Variants in COL21A1 observed in about 807,000 individuals in gnomAD.
COL21A1 encodes collagen alpha-1(XXI) chain.
In COL21A1, 149 loss-of-function variants were observed where a neutral mutation model predicts 137.9. The observed-to-expected ratio is 1.08, with a 90% CI of 0.95 to 1.24. COL21A1 has a LOEUF of 1.24. Ranked by LOEUF, COL21A1 falls within the 50% of genes most tolerant of loss-of-function variation. The probability of loss-of-function intolerance (pLI) is 0.00; values close to 1 mark genes in which losing one functional copy is unlikely to be tolerated. For missense variants in COL21A1, 1,167 were observed against 1,158.4 expected (o/e 1.01, Z -0.11); for synonymous variants, 456 against 391.5 (o/e 1.16, Z -1.95).
chr6:56,057,247 T>C lies in COL21A1; in HGVS notation c.*410A>G. ...CAATGATGAGATACATGTTTTGGCT[T>C]ATGTAGTAGCATGAGCTATGAGATA... On this transcript the variant is annotated 3_prime_UTR_variant, in exon 30 of 30. Transcript: ENST00000244728. 3.9e-6 allele frequency: 1 copy of C among 256,056 alleles called. No homozygotes were observed. The highest frequency in any genetic ancestry group is 7.4e-6 in the Non-Finnish European group (1 of 134,440). 15.9% of individuals were successfully genotyped at this position (256,056 alleles called of 1,614,324 possible). A position where few individuals can be genotyped will look rare whatever the true frequency, so the allele number is the denominator to read the frequency against.
At chr6:56,074,164 C>T in intron 20 of COL21A1, 68 bp downstream of exon 20, 1 of 1,138,424 alleles carries the variant, frequency 8.8e-7, no homozygotes, top group Non-Finnish European at 1.3e-6. Context: ...GTAAAATTTT[C>T]ATCAAAGTTA....
In COL21A1 at chr6:56,059,184, T is replaced by C. The variant is rs1439351937; in HGVS notation, c.2667A>G (p.Gln889=). The change falls in exon 29 of 30, where the codon CAA becomes CAG. Residue 889 remains glutamine (Q), a synonymous_variant. Transcript: ENST00000244728. ...TCTCACCTGGGGGACCAGGAGGACC[T>C]TGTTCTCCAGGATACCCAAACCCTT... ...GSQGFGYPGE[Q]GPPGPPGPEG... The C allele has an allele frequency of 6.2e-7, 1 of 1,612,150 alleles. No individual in the cohort carries two copies. Among genetic ancestry groups the C allele is most frequent in the South Asian group, 1.1e-5 (1 of 90,788 alleles).
At chr6:56,172,316 A>G (rs1489225280) in intron 3 of COL21A1, among the ~76,000 whole-genome samples, 2 of 152,196 alleles carry the variant, frequency 1.3e-5, no homozygotes, top group Non-Finnish European at 2.9e-5. Context: ...GAACCTTGAT[A>G]AGACTATCAG....
At chr6:56,266,753 G>A (rs7748654) in intron 1 of COL21A1, among the ~76,000 whole-genome samples, 3,757 of 97,588 alleles carry the variant, frequency 0.038, 172 homozygotes, top group African/African-American at 0.097. Context: ...GATGAATAAA[G>A]GATATTAAAG....
intron 9 of COL21A1, among the ~76,000 whole-genome samples, chr6:56,162,403 T>C (rs1397523198): frequency 1.3e-5 from 2 of 152,012 alleles, no homozygotes; most frequent in Non-Finnish European, 2.9e-5. Context: ...AAAATGAAAA[T>C]GAGAAACACA....
At chr6:56,158,517 C>T (rs1775960021) in intron 9 of COL21A1, among the ~76,000 whole-genome samples, 1 of 151,786 alleles carries the variant, frequency 6.6e-6, no homozygotes, top group Non-Finnish European at 1.5e-5. Flanking sequence ...AGTGATCCTC[C>T]CTCCTCAACC....
intron 1 of COL21A1, among the ~76,000 whole-genome samples, chr6:56,392,816 C>T (rs1358378300): frequency 6.6e-6 from 1 of 151,934 alleles, no homozygotes; most frequent in African/African-American, 2.4e-5. Context: ...ACAATGAAAA[C>T]TATAAAACAT....
chr6:56,060,809 T>G lies in COL21A1; in HGVS notation c.2353-14A>C, dbSNP rs756850663. ...AAACTCTCTTCCCTGCATCAAAGTG[T>G]TAGGGGTTATAACATGCACATAAAG... On this transcript the variant is annotated splice_polypyrimidine_tract_variant and intron_variant, in intron 26 of 29. Transcript: ENST00000244728. 2 of 1,603,232 alleles carry G rather than the reference T, an allele frequency of 1.2e-6. No individual in the cohort carries two copies. Among genetic ancestry groups the G allele is most frequent in the Non-Finnish European group, 1.7e-6 (2 of 1,177,006 alleles).
intron 16 of COL21A1, among the ~76,000 whole-genome samples, chr6:56,115,260 A>G (rs1187360117): frequency 1.3e-5 from 2 of 151,638 alleles, no homozygotes; most frequent in African/African-American, 4.8e-5. Flanking sequence ...TAACCTGCAC[A>G]ATGTGCACAT....
At chr6:56,226,933 G>A (rs1781239572) in intron 1 of COL21A1, among the ~76,000 whole-genome samples, 1 of 151,904 alleles carries the variant, frequency 6.6e-6, no homozygotes, top group Non-Finnish European at 1.5e-5. Context: ...TCTGTGGGAT[G>A]GCTCGTATAG....
intron 1 of COL21A1, among the ~76,000 whole-genome samples, chr6:56,372,416 T>C (rs1284808620): frequency 1.3e-5 from 2 of 152,170 alleles, no homozygotes; most frequent in Non-Finnish European, 2.9e-5. Flanking sequence ...GTTCTCTTCC[T>C]CCTCACTCAG....
chr6:56,359,217 C>T (rs1479902794), intron 1 of COL21A1, among the ~76,000 whole-genome samples: 2 of 152,136 alleles, frequency 1.3e-5, no homozygotes, highest in African/African-American at 4.8e-5. Flanking sequence ...TAATTATATA[C>T]TTATCCAGTA....
intron 1 of COL21A1, among the ~76,000 whole-genome samples, chr6:56,290,489 C>T (rs1029125017): frequency 1.9e-4 from 25 of 129,722 alleles, no homozygotes; most frequent in African/African-American, 7.4e-4. Flanking sequence ...ATATTAGAAT[C>T]ACTTAGGAGA....
intron 1 of COL21A1, among the ~76,000 whole-genome samples, chr6:56,364,705 C>A (rs1766057037): frequency 6.6e-6 from 1 of 150,966 alleles, no homozygotes; most frequent in East Asian, 1.9e-4. Flanking sequence ...CTACAAAGAG[C>A]AGCTATGATT....
chr6:56,327,240 A>G (rs1309202307), intron 1 of COL21A1, among the ~76,000 whole-genome samples: 1 of 151,954 alleles, frequency 6.6e-6, no homozygotes, highest in Non-Finnish European at 1.5e-5. Flanking sequence ...GTGAGTAGAA[A>G]TAAATAATTA....
intron 1 of COL21A1, among the ~76,000 whole-genome samples, chr6:56,324,924 C>A (rs193147094): frequency 2.3e-3 from 356 of 151,894 alleles, no homozygotes; most frequent in Non-Finnish European, 4.1e-3. Flanking sequence ...ATGAAAGATG[C>A]CTTCCTATAT....
intron 13 of COL21A1, 125 bp downstream of exon 13, chr6:56,125,971 C>T: frequency 5.3e-6 from 3 of 566,514 alleles, no homozygotes; most frequent in Non-Finnish European, 6.1e-6. Flanking sequence ...AATCTTAGCC[C>T]ATTGTTTACT....
chr6:56,325,999 T>TTATATATTATATA (rs1765078901), intron 1 of COL21A1, among the ~76,000 whole-genome samples: 1 of 2,028 alleles, frequency 4.9e-4, no homozygotes, highest in Non-Finnish European at 1.1e-3. Context: ...TGTATATACA[T>TTATATATTATATA]ACATATATTA....
At chr6:56,110,351 T>C (rs924740367) in intron 16 of COL21A1, among the ~76,000 whole-genome samples, 2 of 151,414 alleles carry the variant, frequency 1.3e-5, no homozygotes, top group African/African-American at 2.4e-5. Flanking sequence ...TTTCTCATCC[T>C]GATGCAGGGC....
Sources: allele counts gnomAD v4.1 joint callset (sites outside exome capture counted in the v4.1 genomes callset), GRCh38; gene constraint gnomAD v4.1.1; transcripts MANE v1.5; gene names NCBI Gene and HGNC (gene_info 2026-07-23, HGNC 2026-07-21).